Variants in TNFRSF13B observed in about 807,000 individuals in gnomAD.
TNFRSF13B encodes TNF receptor superfamily member 13B, also known as tumor necrosis factor receptor superfamily member 13B.
Under a neutral mutation model 24.0 loss-of-function variants are expected in TNFRSF13B, and 34 were observed. The observed-to-expected ratio is 1.41, with a 90% CI of 1.08 to 1.88. The LOEUF is 1.88. TNFRSF13B is among the 40% of genes most tolerant of loss of function. TNFRSF13B has a pLI of 0.00. For synonymous variants in TNFRSF13B, 173 were observed against 150.3 expected, an observed-to-expected ratio of 1.15 and a Z score of -1.10; for missense variants, 415 against 380.8, an observed-to-expected ratio of 1.09 and a Z score of -0.75.
intron 3 of TNFRSF13B, among the ~76,000 whole-genome samples, chr17:16,945,140 C>T (rs1318516814): frequency 6.6e-6 from 1 of 152,220 alleles, no homozygotes; most frequent in African/African-American, 2.4e-5. Context: ...AAAAGCCGCG[C>T]CATGGCACAA....
In TNFRSF13B at chr17:16,940,219, C is replaced by T. The variant is rs991283489; in HGVS notation, c.631+107G>A. 1.9e-5 allele frequency: 30 copies of T among 1,608,168 alleles called. No individual in the cohort carries two copies. In the Middle Eastern group the frequency reaches 1.3e-3, roughly 72 times the overall value. ...GTATAGCAAGTAACAGGGATGAGCC[C>T]TGGGCCTCTCCACCTAGAAGCAGGG... On this transcript the variant is annotated intron_variant, in intron 4 of 4. Coordinates refer to ENST00000261652, the MANE Select transcript of TNFRSF13B (RefSeq NM_012452.3).
chr17:16,941,043 A>C, intron 3 of TNFRSF13B: 1 of 639,876 alleles, frequency 1.6e-6, no homozygotes, highest in Non-Finnish European at 2.0e-6. Context: ...CTCCTATACA[A>C]TTAGAGTCAT....
chr17:16,945,153 GT>G lies in TNFRSF13B; in HGVS notation c.445+3584del, dbSNP rs1454573268. Among the ~76,000 whole-genome samples, 3 of 152,248 alleles carry G rather than the reference GT, an allele frequency of 2.0e-5. No homozygotes were observed. The East Asian group carries it at 5.8e-4, about 29-fold the overall frequency. On this transcript the variant is annotated intron_variant, in intron 3 of 4. Transcript: ENST00000261652. Reference sequence around the variant, plus strand: ...CCAAAAGCCGCGCCATGGCACAAGTGTGGCAGCTGATGTAGGGTGAGGCATG... The same window carrying G: ...CCAAAAGCCGCGCCATGGCACAAGTGGGCAGCTGATGTAGGGTGAGGCATG...
At chr17:16,971,757 G>A (rs576478715) in intron 1 of TNFRSF13B, among the ~76,000 whole-genome samples, 3 of 152,294 alleles carry the variant, frequency 2.0e-5, no homozygotes, top group African/African-American at 7.2e-5. Flanking sequence ...AGGGGCCATG[G>A]TGACAAAGGG....
chr17:16,958,474 A>G (rs2087639489), intron 1 of TNFRSF13B, among the ~76,000 whole-genome samples: 2 of 151,930 alleles, frequency 1.3e-5, no homozygotes, highest in Admixed American at 1.3e-4. Flanking sequence ...TTCAGTGTAT[A>G]AGAGACTTAC....
intron 1 of TNFRSF13B, among the ~76,000 whole-genome samples, chr17:16,970,519 TTC>T (rs2087736414): frequency 6.6e-6 from 1 of 152,244 alleles, no homozygotes. Flanking sequence ...ACCGCAGGGC[TTC>T]TCAGAGCCTT....
chr17:16,959,260 T>C (rs959120215), intron 1 of TNFRSF13B, among the ~76,000 whole-genome samples: 1 of 151,956 alleles, frequency 6.6e-6, no homozygotes, highest in African/African-American at 2.4e-5. Context: ...GGGGAAATTA[T>C]AAAATATCTT....
chr17:16,951,083 C>T (rs1426733902), intron 2 of TNFRSF13B, among the ~76,000 whole-genome samples: 1 of 152,196 alleles, frequency 6.6e-6, no homozygotes, highest in Admixed American at 6.5e-5. Flanking sequence ...GTGGGATGAA[C>T]CAATGAATGT....
At chr17:16,952,611 T>G in intron 1 of TNFRSF13B, 28 bp from the exon 2 acceptor site, 1 of 1,614,076 alleles carries the variant, frequency 6.2e-7, no homozygotes, top group Non-Finnish European at 8.5e-7. Context: ...TGAGGGCAGC[T>G]GGCAGGCGGC....
intron 3 of TNFRSF13B, 73 bp from the exon 4 acceptor site, chr17:16,940,584 TC>T: frequency 3.2e-6 from 5 of 1,552,808 alleles, no homozygotes; most frequent in Middle Eastern, 1.7e-4. Flanking sequence ...GCAATCCACA[TC>T]CCCCCATCCC....
chr17:16,952,048 T>C (rs1345100907), intron 2 of TNFRSF13B, among the ~76,000 whole-genome samples: 1 of 152,136 alleles, frequency 6.6e-6, no homozygotes, highest in Non-Finnish European at 1.5e-5. Flanking sequence ...ACATGTGTGA[T>C]AAGTTCTGTA....
chr17:16,961,781 G>A (rs2087664238), intron 1 of TNFRSF13B, among the ~76,000 whole-genome samples: 1 of 152,194 alleles, frequency 6.6e-6, no homozygotes, highest in Admixed American at 6.5e-5. Flanking sequence ...AGAAAATGGA[G>A]CAATGCCTTA....
At position 16,949,107 on chromosome 17, in the gene TNFRSF13B, G is replaced by A. The variant is rs971108370; in HGVS notation, c.200-124C>T. 2.3e-5 allele frequency: 29 copies of A among 1,270,082 alleles called. No individual in the cohort carries two copies. In the African/African-American group the frequency reaches 2.8e-4, roughly 12 times the overall value. 78.7% of individuals were successfully genotyped at this position (1,270,082 alleles called of 1,614,324 possible). A position where few individuals can be genotyped will look rare whatever the true frequency, so the allele number is the denominator to read the frequency against. ...TAAAATTCCAGAAGGCAATTCCAGA[G>A]TAAGCCAAGTACTTTTACAATATAC... On this transcript the variant is annotated intron_variant, in intron 2 of 4. Coordinates refer to ENST00000261652, the MANE Select transcript of TNFRSF13B (RefSeq NM_012452.3).
At chr17:16,968,999 T>C (rs2087725040) in intron 1 of TNFRSF13B, among the ~76,000 whole-genome samples, 1 of 152,228 alleles carries the variant, frequency 6.6e-6, no homozygotes, top group Non-Finnish European at 1.5e-5. Context: ...CACAGTGAGA[T>C]ACCACCTCAC....
rs769670646 is a variant in TNFRSF13B at position 16,939,757 on chromosome 17, G to A, written c.672C>T (p.Pro224=). 2.7e-5 allele frequency: 43 copies of A among 1,610,256 alleles called. No homozygotes were observed. Among genetic ancestry groups the A allele is most frequent in the Middle Eastern group, 3.4e-4 (2 of 5,860 alleles). ...MEAGSPVSTS[P]EPVETCSFCF... ...AGAAGCTGCAGGTCTCCACTGGCTC[G>A]GGGGATGTGCTCACAGGGCTGCCGG... Residue 224 remains proline, a synonymous_variant, in exon 5 of 5, where the codon CCC becomes CCT. Transcript: ENST00000261652.
intron 3 of TNFRSF13B, chr17:16,941,516 C>T (rs1240121940): frequency 1.1e-5 from 11 of 987,514 alleles, no homozygotes; most frequent in Admixed American, 6.1e-5. Context: ...TAAGATGACA[C>T]GTCAAGAAGA....
In TNFRSF13B at chr17:16,969,497, G is replaced by A. The variant is rs182641242; in HGVS notation, c.61+2518C>T. On this transcript the variant is annotated intron_variant, in intron 1 of 4. Coordinates refer to ENST00000261652, the MANE Select transcript of TNFRSF13B (RefSeq NM_012452.3). ...CATTTATGGAAAATGTCCAAAACAG[G>A]CAAATCTATAGAGACAGAGAGTAGA... 3.4e-3 allele frequency among the ~76,000 whole-genome samples: 513 copies of A among 152,298 alleles called. 3 individuals are homozygous for A. Among genetic ancestry groups the A allele is most frequent in the Non-Finnish European group, 4.4e-3 (296 of 68,028 alleles).
intron 1 of TNFRSF13B, among the ~76,000 whole-genome samples, chr17:16,959,513 AAAC>A (rs1197060552): frequency 6.6e-6 from 1 of 152,052 alleles, no homozygotes; most frequent in Non-Finnish European, 1.5e-5. Flanking sequence ...GAGAATGAAA[AAAC>A]AATAGAGAAA....
intron 3 of TNFRSF13B, among the ~76,000 whole-genome samples, chr17:16,945,454 C>T (rs1175957594): frequency 6.6e-6 from 1 of 152,254 alleles, no homozygotes. Flanking sequence ...TGCTCAAATC[C>T]CAGCTCACTC....
Sources: gnomAD v4.1 joint callset for allele counts (sites outside exome capture counted in the v4.1 genomes callset) on GRCh38, gnomAD v4.1.1 for gene constraint, MANE v1.5 for transcripts, NCBI Gene and HGNC (gene_info 2026-07-23, HGNC 2026-07-21) for gene names.